The following TCF7L2 variants were observed in gnomAD, a reference collection of about 807,000 sequenced individuals.
TCF7L2 encodes transcription factor 7 like 2.
TCF7L2 carries 23 observed loss-of-function variants against 77.9 expected under a neutral mutation model. The observed-to-expected ratio is 0.30, with a 90% confidence interval of 0.21 to 0.42. The LOEUF (loss-of-function observed/expected upper bound fraction) is 0.42. Ranked by LOEUF, TCF7L2 falls within the 10% of genes least tolerant of loss-of-function variation. TCF7L2 has a pLI of 1.00. For synonymous variants in TCF7L2, 413 were observed against 340.2 expected (o/e 1.21, Z -2.36); for missense variants, 654 against 793.1 (o/e 0.82, Z 2.11).
At chr10:112,963,550 C>T (rs1182249321) in intron 3 of TCF7L2, among the ~76,000 whole-genome samples, 2 of 152,194 alleles carry the variant, frequency 1.3e-5, no homozygotes, top group African/African-American at 2.4e-5. Flanking sequence ...CATCTGATTC[C>T]TCATTAGTAG....
At chr10:112,973,298 A>G (rs191752525) in intron 4 of TCF7L2, among the ~76,000 whole-genome samples, 1 of 152,320 alleles carries the variant, frequency 6.6e-6, no homozygotes, top group African/African-American at 2.4e-5. Flanking sequence ...CCACCGGACT[A>G]GGGCAAGGGT....
Position 112,966,209 on chromosome 10 carries a change from T to TATATATATATATATA in TCF7L2, c.450+1587_450+1588insATATATATATATAAT, listed in dbSNP as rs1305413204. The stretch of plus-strand genomic sequence containing the variant: ...TTATATATATATATATATATATATA[T>TATATATATATATATA]ATTTTCTTTTCTTGATTACTTCTGC... On this transcript the variant is annotated intron_variant, in intron 4 of 13. Coordinates refer to ENST00000627217, the MANE Select transcript of TCF7L2 (RefSeq NM_001146274.2). Among the ~76,000 whole-genome samples, 20 of 131,476 alleles carry TATATATATATATATA rather than the reference T, an allele frequency of 1.5e-4. 1 individual carries two copies. Among genetic ancestry groups the TATATATATATATATA allele is most frequent in the South Asian group, 7.0e-4 (3 of 4,276 alleles). The allele number at this position is 131,476 out of a possible 152,430, so 86.3% of individuals were successfully genotyped here. A position where few individuals can be genotyped will look rare whatever the true frequency, so the allele number is the denominator to read the frequency against.
intron 5 of TCF7L2, among the ~76,000 whole-genome samples, chr10:113,100,387 G>A (rs1026281715): frequency 1.3e-5 from 2 of 152,200 alleles, no homozygotes; most frequent in Admixed American, 1.3e-4. Flanking sequence ...GAAGGCAGAA[G>A]GCAGAATGAT....
chr10:113,091,828 G>A, intron 5 of TCF7L2, among the ~76,000 whole-genome samples: 1 of 152,220 alleles, frequency 6.6e-6, no homozygotes, highest in East Asian at 1.9e-4. Context: ...GCTGCTGTCT[G>A]TGTGTTTAAG....
chr10:112,989,539 C>T (rs1005436993), intron 4 of TCF7L2, among the ~76,000 whole-genome samples: 4 of 151,818 alleles, frequency 2.6e-5, no homozygotes, highest in African/African-American at 9.7e-5. Context: ...AAGTGTTTCA[C>T]TGACATGCTC....
At chr10:113,010,573 A>G (rs1057291065) in intron 4 of TCF7L2, among the ~76,000 whole-genome samples, 1 of 152,218 alleles carries the variant, frequency 6.6e-6, no homozygotes, top group African/African-American at 2.4e-5. Flanking sequence ...TCCATTTTGT[A>G]GACAAGACAA....
chr10:113,129,654 C>T (rs2066243555), intron 5 of TCF7L2: 1 of 1,183,006 alleles, frequency 8.5e-7, no homozygotes, highest in Admixed American at 3.8e-5. Context: ...GCATTTTGAG[C>T]CTACTCGGCC....
chr10:113,151,098 A>C lies in TCF7L2; in HGVS notation c.976A>C (p.Ser326Arg). 1 of 1,614,138 alleles carries C rather than the reference A, an allele frequency of 6.2e-7. No individual in the cohort carries two copies. Among genetic ancestry groups the C allele is most frequent in the South Asian group, 1.1e-5 (1 of 91,074 alleles). Reference sequence around the variant, plus strand: ...AACAGTCAAACAGGAATCGTCCCAGAGTGATGTCGGCTCACTCCATAGTTC... The same window carrying C: ...AACAGTCAAACAGGAATCGTCCCAGCGTGATGTCGGCTCACTCCATAGTTC... The change falls in exon 9 of 14, where the codon AGT (serine) becomes CGT (arginine). Residue 326 changes from serine (S) to arginine (R), a missense_variant. Ser to Arg is a moderately radical substitution (Grantham distance 110, BLOSUM62 -1). Around this residue, in one of 6 missense-constraint regions of TCF7L2, gnomAD observed 179 missense variants for 270.6 expected, o/e 0.66. Transcript: ENST00000627217. This position sits in a 1 kb window ranked among gnomAD's most constrained non-coding sequence, Gnocchi z 5.2.
chr10:113,035,875 G>A (rs542432094), intron 4 of TCF7L2, among the ~76,000 whole-genome samples: 2 of 152,268 alleles, frequency 1.3e-5, no homozygotes, highest in South Asian at 2.1e-4. Context: ...TGGCTGAGTC[G>A]AGTAGTTATG....
intron 3 of TCF7L2, among the ~76,000 whole-genome samples, chr10:112,952,405 C>T (rs2031989616): frequency 6.6e-6 from 1 of 152,054 alleles, no homozygotes; most frequent in Non-Finnish European, 1.5e-5. Context: ...CGCTGCCCGG[C>T]GCACTGGCTG....
chr10:113,031,872 C>T (rs878997020), intron 4 of TCF7L2, among the ~76,000 whole-genome samples: 1 of 152,186 alleles, frequency 6.6e-6, no homozygotes, highest in Admixed American at 6.5e-5. Flanking sequence ...CTTCTCTGGG[C>T]CTCAGAATAT....
chr10:113,025,218 A>ATTT (rs35779425), intron 4 of TCF7L2, among the ~76,000 whole-genome samples: 7 of 98,976 alleles, frequency 7.1e-5, no homozygotes, highest in Non-Finnish European at 9.7e-5. Context: ...CTGTGACTGG[A>ATTT]TTTTTTTTTT....
chr10:113,061,381 T>C (rs577158256), intron 5 of TCF7L2, among the ~76,000 whole-genome samples: 9 of 152,252 alleles, frequency 5.9e-5, no homozygotes, highest in Non-Finnish European at 1.3e-4. Context: ...TCACTTGGGG[T>C]GCTCAGTAGA....
intron 8 of TCF7L2, among the ~76,000 whole-genome samples, chr10:113,148,023 G>C (rs959270757): frequency 6.6e-6 from 1 of 152,148 alleles, no homozygotes; most frequent in Non-Finnish European, 1.5e-5. Context: ...CAGAAGTATA[G>C]GTCTATTATA....
chr10:113,007,303 A>G (rs1310171934), intron 4 of TCF7L2, among the ~76,000 whole-genome samples: 4 of 152,056 alleles, frequency 2.6e-5, no homozygotes, highest in African/African-American at 9.7e-5. Context: ...GTCACGGGCA[A>G]CCTCATTCCT....
chr10:113,158,760 T>C, intron 12 of TCF7L2, 43 bp downstream of exon 13: 6 of 1,585,854 alleles, frequency 3.8e-6, no homozygotes, highest in Non-Finnish European at 5.2e-6. Context: ...TGATAAACTG[T>C]TTTTTAATTT....
intron 5 of TCF7L2, among the ~76,000 whole-genome samples, chr10:113,066,301 G>A (rs560717824): frequency 6.6e-6 from 1 of 151,908 alleles, no homozygotes; most frequent in Non-Finnish European, 1.5e-5. Flanking sequence ...GAAGGCAGAG[G>A]TTGCACTGAG....
intron 5 of TCF7L2, among the ~76,000 whole-genome samples, chr10:113,042,053 G>A (rs1277218095): frequency 6.6e-6 from 1 of 152,210 alleles, no homozygotes; most frequent in South Asian, 2.1e-4. Flanking sequence ...GTGTAAAGGA[G>A]TGGGGGTTTG....
chr10:113,121,636 G>C (rs1475705756), intron 5 of TCF7L2, among the ~76,000 whole-genome samples: 1 of 152,094 alleles, frequency 6.6e-6, no homozygotes, highest in African/African-American at 2.4e-5. Context: ...TTTATGATTA[G>C]AGTAGTGTTG....
Sources: allele counts gnomAD v4.1 joint callset (sites outside exome capture counted in the v4.1 genomes callset), GRCh38; gene constraint gnomAD v4.1.1; regional missense constraint gnomAD v4.1.1; non-coding constraint Gnocchi (gnomAD v3.1); transcripts MANE v1.5; gene names NCBI Gene and HGNC (gene_info 2026-07-23, HGNC 2026-07-21).